Variants in BAHD1 observed in about 807,000 individuals in gnomAD.
BAHD1 encodes bromo adjacent homology domain-containing 1 protein.
Under a neutral mutation model 63.1 loss-of-function variants are expected in BAHD1, and 20 were observed. The ratio of observed to expected loss-of-function variants is 0.32; its 90% confidence interval spans 0.22 to 0.46. The LOEUF (loss-of-function observed/expected upper bound fraction) is 0.46. Ranked by LOEUF, BAHD1 falls within the 20% of genes least tolerant of loss-of-function variation. The probability of loss-of-function intolerance (pLI) is 1.00; values close to 1 mark genes in which losing one functional copy is unlikely to be tolerated. For missense variants in BAHD1, 939 were observed against 1,071.8 expected, an observed-to-expected ratio of 0.88 and a Z score of 1.73; for synonymous variants, 408 against 426.8, an observed-to-expected ratio of 0.96 and a Z score of 0.54.
chr15:40,442,275 G>T (rs1893425231), intron 1 of BAHD1, among the ~76,000 whole-genome samples: 1 of 152,082 alleles, frequency 6.6e-6, no homozygotes, highest in Non-Finnish European at 1.5e-5. Flanking sequence ...GGCGGGCGAC[G>T]GGGCCGGACT....
In BAHD1 at chr15:40,458,744, C is replaced by T; in HGVS notation, c.280C>T (p.Pro94Ser). ...TGCAGATGAGGCTGATGAGCTACCGCCTGACCTGCCCAAGCCCCCCAGCCC... is the reference window on the plus strand; with the variant it reads ...TGCAGATGAGGCTGATGAGCTACCGTCTGACCTGCCCAAGCCCCCCAGCCC... ...RSADEADELPPDLPKPPSPAP... is the reference protein window; with the variant it reads ...RSADEADELPSDLPKPPSPAP... Residue 94 changes from proline (P) to serine (S), a missense_variant, in exon 2 of 7, where the codon CCT (proline) becomes TCT (serine). Coordinates refer to ENST00000416165, the MANE Select transcript of BAHD1 (RefSeq NM_014952.5). The surrounding 1 kb of genome is among the most constrained non-coding windows in gnomAD (Gnocchi z 4.7). The T allele has an allele frequency of 1.9e-6, 3 of 1,613,368 alleles. No individual in the cohort carries two copies. The Admixed American group carries it at 5.0e-5, about 27-fold the overall frequency.
chr15:40,464,610 A>G, intron 5 of BAHD1, 63 bp downstream of exon 5: 1 of 1,420,198 alleles, frequency 7.0e-7, no homozygotes, highest in Non-Finnish European at 9.8e-7. Context: ...TTATGGCACT[A>G]AGACGTGGTA....
intron 1 of BAHD1, among the ~76,000 whole-genome samples, chr15:40,448,319 G>A (rs1893604384): frequency 1.3e-5 from 2 of 152,050 alleles, no homozygotes; most frequent in Admixed American, 1.3e-4. Context: ...CCATTTAATT[G>A]GAGTACATCT....
intron 1 of BAHD1, among the ~76,000 whole-genome samples, chr15:40,441,469 C>T (rs1566956967): frequency 6.6e-6 from 1 of 151,132 alleles, no homozygotes; most frequent in Non-Finnish European, 1.5e-5. Flanking sequence ...CCCGCCCGCT[C>T]GCGCCACCTC....
At position 40,467,449 on chromosome 15, in the gene BAHD1, G is replaced by A. The variant is rs1212017516; in HGVS notation, c.*1319G>A. 1.3e-5 allele frequency: 2 copies of A among 153,420 alleles called. No homozygotes were observed. The highest frequency in any genetic ancestry group is 3.8e-4 in the East Asian group (2 of 5,196). 9.5% of individuals were successfully genotyped at this position (153,420 alleles called of 1,614,324 possible). A position where few individuals can be genotyped will look rare whatever the true frequency, so the allele number is the denominator to read the frequency against. On this transcript the variant is annotated 3_prime_UTR_variant, in exon 7 of 7. Transcript: ENST00000416165. ...CCTGCTAGCTGAGCACTTCCACAAG[G>A]GCATACCCCTGGGGGCAGGGGCTGG...
intron 1 of BAHD1, among the ~76,000 whole-genome samples, chr15:40,452,767 T>C (rs1893743186): frequency 6.6e-6 from 1 of 150,922 alleles, no homozygotes; most frequent in African/African-American, 2.5e-5. Context: ...TGTATGGTGC[T>C]GCTGCAGCTT....
At chr15:40,449,814 C>CAAAAAAAAAA (rs1053414532) in intron 1 of BAHD1, among the ~76,000 whole-genome samples, 1 of 55,148 alleles carries the variant, frequency 1.8e-5, no homozygotes, top group Admixed American at 2.0e-4. Context: ...GACCCTGTCT[C>CAAAAAAAAAA]AAAAAAAAAA....
intron 1 of BAHD1, among the ~76,000 whole-genome samples, chr15:40,452,322 G>A (rs941956897): frequency 3.3e-5 from 5 of 152,246 alleles, no homozygotes; most frequent in Non-Finnish European, 7.3e-5. Flanking sequence ...ACTTTGTGCT[G>A]TGGAGCTGAG....
In BAHD1 at chr15:40,462,004, C is replaced by T; in HGVS notation, c.1525C>T (p.Pro509Ser). Residue 509 changes from proline to serine, a missense_variant, in exon 3 of 7, where the codon CCC becomes TCC. Physicochemically the swap from Pro to Ser is moderately conservative, Grantham distance 74. This residue lies in a region of BAHD1 where 797 missense variants were observed against 813.3 expected (regional missense o/e 0.98). Transcript: ENST00000416165. ...PAHPLLGCPV[P>S]SVPPAAEPVP... The stretch of plus-strand genomic sequence containing the variant: ...CCACCCACTCCTGGGGTGCCCTGTA[C>T]CCAGTGTGCCACCTGCAGCAGAGCC... 1 of 1,609,626 alleles carries T rather than the reference C, an allele frequency of 6.2e-7. No individual in the cohort carries two copies. Among genetic ancestry groups the T allele is most frequent in the South Asian group, 1.1e-5 (1 of 91,072 alleles).
chr15:40,459,007 G>C lies in BAHD1; in HGVS notation c.543G>C (p.Arg181=), dbSNP rs776984532. Residue 181 remains arginine, a synonymous_variant, in exon 2 of 7, where the codon CGG becomes CGC. Coordinates refer to ENST00000416165, the MANE Select transcript of BAHD1 (RefSeq NM_014952.5). ...TGGGGGACCTTGGAGGAGGAAGTCGGGACCTGTCTCCAGAGCCAGCACCCG... is the reference window on the plus strand; with the variant it reads ...TGGGGGACCTTGGAGGAGGAAGTCGCGACCTGTCTCCAGAGCCAGCACCCG... ...PRLGDLGGGS[R]DLSPEPAPDE... is the part of the protein sequence containing the mutation. 4.4e-6 allele frequency: 7 copies of C among 1,589,992 alleles called. No homozygotes were observed. The South Asian group carries it at 4.5e-5, about 10-fold the overall frequency.
chr15:40,449,108 G>A (rs1026844679), intron 1 of BAHD1, among the ~76,000 whole-genome samples: 3 of 152,142 alleles, frequency 2.0e-5, no homozygotes, highest in East Asian at 1.9e-4. Context: ...GAGCCACCGC[G>A]CCCAGCCTTC....
chr15:40,450,018 A>G (rs1167437966), intron 1 of BAHD1, among the ~76,000 whole-genome samples: 1 of 152,080 alleles, frequency 6.6e-6, no homozygotes, highest in East Asian at 1.9e-4. Context: ...TCTAGGATAA[A>G]GATTTTACAC....
chr15:40,466,506 T>G lies in BAHD1; in HGVS notation c.*376T>G. ...GAACCAGACCCAACAGGCCCTTCTG[T>G]AGCCTCCCCCTTGCCCTCAAAGGGG... On this transcript the variant is annotated 3_prime_UTR_variant, in exon 7 of 7. Transcript: ENST00000416165. 6 of 176,868 alleles carry G rather than the reference T, an allele frequency of 3.4e-5. No individual in the cohort carries two copies. The highest frequency in any genetic ancestry group is 6.0e-5 in the Non-Finnish European group (5 of 83,498). The allele number at this position is 176,868 out of a possible 1,614,324, so 11.0% of individuals were successfully genotyped here. A position where few individuals can be genotyped will look rare whatever the true frequency, so the allele number is the denominator to read the frequency against.
At chr15:40,444,665 C>G (rs890821192) in intron 1 of BAHD1, among the ~76,000 whole-genome samples, 2 of 152,106 alleles carry the variant, frequency 1.3e-5, no homozygotes, top group Non-Finnish European at 2.9e-5. Context: ...GCATCACCAA[C>G]ATAAGAGGCA....
rs2141527594 is a variant in BAHD1 at position 40,459,507 on chromosome 15, C to A, written c.1043C>A (p.Pro348His). Residue 348 changes from proline (P) to histidine (H), a missense_variant, in exon 2 of 7, where the codon CCC becomes CAC. This residue lies in a region of BAHD1 where 797 missense variants were observed against 813.3 expected (regional missense o/e 0.98). Transcript: ENST00000416165. Reference protein sequence around the residue: ...PKQELHQPSFPTPQLSPLPMP... With the variant: ...PKQELHQPSFHTPQLSPLPMP... ...CAGGAACTGCATCAGCCCTCTTTCC[C>A]CACACCTCAGCTGTCGCCGCTGCCG... 1 of 1,614,116 alleles carries A rather than the reference C, an allele frequency of 6.2e-7. No individual in the cohort carries two copies. Among genetic ancestry groups the A allele is most frequent in the African/African-American group, 1.3e-5 (1 of 75,070 alleles).
At chr15:40,442,446 T>G (rs1364376223) in intron 1 of BAHD1, among the ~76,000 whole-genome samples, 1 of 152,024 alleles carries the variant, frequency 6.6e-6, no homozygotes, top group Non-Finnish European at 1.5e-5. Flanking sequence ...TGATGTGCCT[T>G]GGCTGGTGGC....
rs919038198 is a variant in BAHD1 at position 40,466,951 on chromosome 15, G to A, written c.*821G>A. 3 of 152,446 alleles carry A rather than the reference G, an allele frequency of 2.0e-5. No individual in the cohort carries two copies. Among genetic ancestry groups the A allele is most frequent in the Non-Finnish European group, 4.4e-5 (3 of 68,050 alleles). 9.4% of individuals were successfully genotyped at this position (152,446 alleles called of 1,614,324 possible). The stretch of plus-strand genomic sequence containing the variant: ...GAAAATTGCTACCTGATTTGTTGAA[G>A]ATTTTTCCTCTTGCCTTACACATGG... On this transcript the variant is annotated 3_prime_UTR_variant, in exon 7 of 7. Transcript: ENST00000416165.
intron 1 of BAHD1, among the ~76,000 whole-genome samples, chr15:40,442,664 C>T (rs1311501552): frequency 1.3e-5 from 2 of 152,306 alleles, no homozygotes; most frequent in East Asian, 1.9e-4. Context: ...CGTGGGCTCC[C>T]GCCAGCCCTC....
chr15:40,442,105 GC>G (rs1893420743), intron 1 of BAHD1, among the ~76,000 whole-genome samples: 1 of 152,178 alleles, frequency 6.6e-6, no homozygotes, highest in Non-Finnish European at 1.5e-5. Context: ...GCCTGGTCTT[GC>G]CCTGCTCGCT....
Sources: allele counts gnomAD v4.1 joint callset (sites outside exome capture counted in the v4.1 genomes callset), GRCh38; gene constraint gnomAD v4.1.1; regional missense constraint gnomAD v4.1.1; non-coding constraint Gnocchi (gnomAD v3.1); transcripts MANE v1.5; gene names NCBI Gene and HGNC (gene_info 2026-07-23, HGNC 2026-07-21).